Variants in CLASP2 observed in about 807,000 individuals in gnomAD.
The protein encoded by CLASP2 is cytoplasmic linker associated protein 2, also known as CLIP-associating protein 2.
Under a neutral mutation model 194.4 loss-of-function variants are expected in CLASP2, and 47 were observed. The observed-to-expected ratio is 0.24, with a 90% CI of 0.19 to 0.31. CLASP2 has a LOEUF of 0.31. CLASP2 is among the 10% of genes least tolerant of loss of function. CLASP2 has a pLI of 1.00. For synonymous variants in CLASP2, 619 were observed against 633.5 expected, an observed-to-expected ratio of 0.98 and a Z score of 0.34; for missense variants, 1,445 against 1,823.6, an observed-to-expected ratio of 0.79 and a Z score of 3.78.
At chr3:33,528,222 A>C (rs544090115) in intron 34 of CLASP2, among the ~76,000 whole-genome samples, 2 of 152,258 alleles carry the variant, frequency 1.3e-5, no homozygotes, top group South Asian at 4.1e-4. Context: ...ACAAAAAAAG[A>C]CTTGACAAAA....
intron 18 of CLASP2, among the ~76,000 whole-genome samples, chr3:33,599,965 CA>C (rs200435410): frequency 2.7e-5 from 4 of 150,900 alleles, no homozygotes; most frequent in Non-Finnish European, 4.4e-5. Flanking sequence ...TAGGTTCTCA[CA>C]AAAAAAAATT....
At chr3:33,608,845 C>T (rs540175883) in intron 13 of CLASP2, among the ~76,000 whole-genome samples, 1 of 149,912 alleles carries the variant, frequency 6.7e-6, no homozygotes, top group Non-Finnish European at 1.5e-5. Flanking sequence ...CTCTGCCTCC[C>T]GGGTTCAAGT....
chr3:33,571,320 A>C (rs747782127), intron 25 of CLASP2, among the ~76,000 whole-genome samples: 4 of 151,418 alleles, frequency 2.6e-5, no homozygotes, highest in African/African-American at 4.8e-5. Flanking sequence ...GCCTGTCTCT[A>C]TAAATTTTTA....
At chr3:33,632,778 G>A (rs2079341932) in intron 8 of CLASP2, among the ~76,000 whole-genome samples, 3 of 152,196 alleles carry the variant, frequency 2.0e-5, no homozygotes, top group African/African-American at 7.2e-5. Context: ...AGGAAAGCAT[G>A]AAAGAAATGA....
At chr3:33,568,104 C>T (rs947918697) in intron 26 of CLASP2, among the ~76,000 whole-genome samples, 1 of 152,072 alleles carries the variant, frequency 6.6e-6, no homozygotes, top group Non-Finnish European at 1.5e-5. Flanking sequence ...GTATAGGTTC[C>T]TGAACATATG....
At position 33,509,590 on chromosome 3, in the gene CLASP2, A is replaced by T. The variant is rs184164375; in HGVS notation, c.4317+968T>A. Among the ~76,000 whole-genome samples the T allele has an allele frequency of 3.3e-5, 5 of 152,346 alleles. No individual in the cohort carries two copies. The East Asian group carries it at 9.6e-4, about 29-fold the overall frequency. On this transcript the variant is annotated intron_variant, in intron 37 of 38. Coordinates refer to ENST00000682230, the MANE Select transcript of CLASP2 (RefSeq NM_001365631.1). ...TATGTTAGGACCTCCCAATTTAGTA[A>T]TATTAAGCTTAGACTAGAATAAAAA...
At chr3:33,509,533 GT>G (rs1199276316) in intron 37 of CLASP2, among the ~76,000 whole-genome samples, 1 of 152,094 alleles carries the variant, frequency 6.6e-6, no homozygotes, top group African/African-American at 2.4e-5. Context: ...TCTGTTCTTA[GT>G]ACTAAGGCAT....
intron 1 of CLASP2, among the ~76,000 whole-genome samples, chr3:33,707,765 A>T (rs2092761567): frequency 6.6e-6 from 1 of 152,242 alleles, no homozygotes; most frequent in Admixed American, 6.5e-5. Context: ...GTCAAACATC[A>T]TTACACGAAT....
intron 20 of CLASP2, among the ~76,000 whole-genome samples, chr3:33,593,227 C>T (rs1032180256): frequency 3.3e-5 from 5 of 152,144 alleles, no homozygotes; most frequent in Admixed American, 2.6e-4. Context: ...CTACAAGCAG[C>T]ATGTCTGTCA....
intron 9 of CLASP2, among the ~76,000 whole-genome samples, chr3:33,631,298 G>GT (rs1179547825): frequency 6.6e-6 from 1 of 152,142 alleles, no homozygotes; most frequent in Non-Finnish European, 1.5e-5. Flanking sequence ...ACCCTACAGG[G>GT]TAACATCTAA....
At chr3:33,578,315 T>C (rs1376703636) in intron 23 of CLASP2, among the ~76,000 whole-genome samples, 1 of 152,202 alleles carries the variant, frequency 6.6e-6, no homozygotes, top group Non-Finnish European at 1.5e-5. Flanking sequence ...TTGTGACATA[T>C]CTCCCTATAT....
rs544930484 is a variant in CLASP2 at position 33,540,210 on chromosome 3, A to G, written c.3405-1268T>C. Among the ~76,000 whole-genome samples, 14 of 146,976 alleles carry G rather than the reference A, an allele frequency of 9.5e-5. No individual in the cohort carries two copies. The South Asian group carries it at 2.8e-3, about 30-fold the overall frequency. ...CTCCCAAAGTGTTGCGATTACACGC[A>G]TGAGCCACTGTGACTGGCCAAATTT... On this transcript the variant is annotated intron_variant, in intron 32 of 38. Transcript: ENST00000682230.
chr3:33,502,449 A>G (rs2047062755), intron 37 of CLASP2: 2 of 152,224 alleles, frequency 1.3e-5, no homozygotes, highest in Non-Finnish European at 2.9e-5. Flanking sequence ...AACATTTAAA[A>G]TGCATTTTCT....
rs139290196 is a variant in CLASP2 at position 33,560,739 on chromosome 3, T to G, written c.2930+69A>C. On this transcript the variant is annotated intron_variant, in intron 28 of 38. Transcript: ENST00000682230. Reference sequence around the variant, plus strand: ...TTCAAAGGGACCCAGAAATCTGAACTATTAACACAGGGGTTAGATATTCCT... The same window carrying G: ...TTCAAAGGGACCCAGAAATCTGAACGATTAACACAGGGGTTAGATATTCCT... The G allele has an allele frequency of 5.6e-5, 77 of 1,376,048 alleles. No homozygotes were observed. The South Asian group carries it at 6.5e-4, about 12-fold the overall frequency. 85.2% of individuals were successfully genotyped at this position (1,376,048 alleles called of 1,614,324 possible).
At chr3:33,672,823 A>G (rs1043055283) in intron 6 of CLASP2, among the ~76,000 whole-genome samples, 1 of 152,234 alleles carries the variant, frequency 6.6e-6, no homozygotes, top group Non-Finnish European at 1.5e-5. Flanking sequence ...GATGCGATCA[A>G]CTGGAAGAAA....
chr3:33,611,919 C>A, intron 13 of CLASP2, 82 bp downstream of exon 13: 1 of 969,698 alleles, frequency 1.0e-6, no homozygotes, highest in Non-Finnish European at 1.6e-6. Flanking sequence ...AATGAATGAC[C>A]AATTCTTGCA....
chr3:33,698,781 T>C (rs2092155349), intron 1 of CLASP2, among the ~76,000 whole-genome samples: 1 of 152,190 alleles, frequency 6.6e-6, no homozygotes. Flanking sequence ...ATAAGTACTA[T>C]TTAACTTGCT....
In CLASP2 at chr3:33,684,388, A is replaced by C; in HGVS notation, c.615T>G (p.Asp205Glu). The C allele has an allele frequency of 6.2e-7, 1 of 1,604,722 alleles. No homozygotes were observed. The highest frequency in any genetic ancestry group is 1.1e-5 in the South Asian group (1 of 89,834). ...YRHVGEKVRM[D>E]LYKRGIPPAR... is the part of the protein sequence containing the mutation. Reference sequence around the variant, plus strand: ...CAGGGGGAATTCCTCTCTTATAAAGATCCATCCTCACTTTTTCTCCCACAT... The same window carrying C: ...CAGGGGGAATTCCTCTCTTATAAAGCTCCATCCTCACTTTTTCTCCCACAT... The change falls in exon 6 of 39, where the codon GAT (aspartate) becomes GAG (glutamate). Residue 205 changes from aspartate to glutamate, a missense_variant. Physicochemically the swap from Asp to Glu is conservative, Grantham distance 45. Around this residue, in one of 4 missense-constraint regions of CLASP2, gnomAD observed 332 missense variants for 325.3 expected, o/e 1.02. Coordinates refer to ENST00000682230, the MANE Select transcript of CLASP2 (RefSeq NM_001365631.1).
chr3:33,573,692 G>C (rs2064239716), intron 24 of CLASP2, among the ~76,000 whole-genome samples: 1 of 152,124 alleles, frequency 6.6e-6, no homozygotes, highest in Admixed American at 6.5e-5. Flanking sequence ...TAAATGAACA[G>C]AAACTATACT....
Sources: allele counts gnomAD v4.1 joint callset (sites outside exome capture counted in the v4.1 genomes callset), GRCh38; gene constraint gnomAD v4.1.1; regional missense constraint gnomAD v4.1.1; transcripts MANE v1.5; gene names NCBI Gene and HGNC (gene_info 2026-07-23, HGNC 2026-07-21).